The following SYVN1 variants were observed in gnomAD, a reference collection of about 807,000 sequenced individuals.
SYVN1 encodes E3 ubiquitin-protein ligase synoviolin.
A neutral mutation model predicts 62.6 loss-of-function variants in SYVN1; 17 were observed. The ratio of observed to expected loss-of-function variants is 0.27; its 90% confidence interval spans 0.19 to 0.41. The LOEUF (loss-of-function observed/expected upper bound fraction) is 0.41, where lower values mean the gene tolerates loss of function less well. Among genes scored for constraint, SYVN1 ranks in the 10% least tolerant of loss-of-function variants. SYVN1 has a pLI of 1.00. For missense variants in SYVN1, 634 were observed against 818.0 expected (o/e 0.78, Z 2.74); for synonymous variants, 316 against 304.0 (o/e 1.04, Z -0.41).
In SYVN1 at chr11:65,131,591, G is replaced by T; in HGVS notation, c.537C>A (p.Ala179=). ...SVQLVFGFEY[A]ILMTMVLTIF... is the part of the protein sequence containing the mutation. The stretch of plus-strand genomic sequence containing the variant: ...TGGTGAGCACCATCGTCATCAGGAT[G>T]GCATACTGAAGGGAGAGGGGGACGA... The change falls in exon 7 of 16, where the codon GCC becomes GCA. Residue 179 remains alanine (A), a synonymous_variant. Coordinates refer to ENST00000377190, the MANE Select transcript of SYVN1 (RefSeq NM_172230.3). 1 of 1,613,524 alleles carries T rather than the reference G, an allele frequency of 6.2e-7. No homozygotes were observed. Among genetic ancestry groups the T allele is most frequent in the South Asian group, 1.1e-5 (1 of 91,066 alleles).
At chr11:65,129,603 T>C (rs1314529359) in intron 14 of SYVN1, 126 bp downstream of exon 14, 2 of 841,942 alleles carry the variant, frequency 2.4e-6, no homozygotes, top group Non-Finnish European at 3.8e-6. Flanking sequence ...TGGAGACCCT[T>C]GGTGGGCCTG....
chr11:65,129,810 T>C lies in SYVN1; in HGVS notation c.1514A>G (p.Gln505Arg). 6.2e-7 allele frequency: 1 copy of C among 1,614,228 alleles called. No individual in the cohort carries two copies. Among genetic ancestry groups the C allele is most frequent in the Non-Finnish European group, 8.5e-7 (1 of 1,180,040 alleles). Residue 505 changes from glutamine to arginine, a missense_variant, in exon 14 of 16, where the codon CAG becomes CGG. Transcript: ENST00000377190. Reference protein sequence around the residue: ...HERQHLEARLQSLRNIHTLLD... With the variant: ...HERQHLEARLRSLRNIHTLLD... ...CAGTGTGTGGATGTTACGCAGGCTCTGCAGCCGGGCCTCCAGGTGCTGCCG... is the reference window on the plus strand; with the variant it reads ...CAGTGTGTGGATGTTACGCAGGCTCCGCAGCCGGGCCTCCAGGTGCTGCCG...
chr11:65,130,409 G>A (rs1948162494), intron 11 of SYVN1, 30 bp from the exon 12 acceptor site: 1 of 1,512,686 alleles, frequency 6.6e-7, no homozygotes, highest in Non-Finnish European at 8.8e-7. Context: ...GTAAGGAAAG[G>A]GCCAAATGGA....
In SYVN1 at chr11:65,133,156, T is replaced by C; in HGVS notation, c.225+4A>G. ...CCTCACCTTTGGGGCAGCCGACATC[T>C]TACCTCCATCTCTGCTGCCCTCAGT... On this transcript the variant is annotated splice_donor_region_variant and intron_variant, in intron 3 of 15. Coordinates refer to ENST00000377190, the MANE Select transcript of SYVN1 (RefSeq NM_172230.3). 1 of 1,614,146 alleles carries C rather than the reference T, an allele frequency of 6.2e-7. No homozygotes were observed. Among genetic ancestry groups the C allele is most frequent in the East Asian group, 2.2e-5 (1 of 44,888 alleles).
chr11:65,130,751 C>T lies in SYVN1; in HGVS notation c.1014G>A (p.Leu338=). The T allele has an allele frequency of 1.3e-6, 2 of 1,535,268 alleles. No homozygotes were observed. The highest frequency in any genetic ancestry group is 1.7e-6 in the Non-Finnish European group (2 of 1,145,616). Residue 338 remains leucine (L), a synonymous_variant, in exon 11 of 16, where the codon CTG becomes CTA. Coordinates refer to ENST00000377190, the MANE Select transcript of SYVN1 (RefSeq NM_172230.3). ...CCGGGGGTGGTGGTGACTGCGCTGG[C>T]AGCGATGCACGAAGGACATCCATAC... The part of the protein sequence containing the change: ...TCRMDVLRAS[L]PAQSPPPPEP...
At position 65,128,239 on chromosome 11, in the gene SYVN1, G is replaced by T; in HGVS notation, c.*143C>A. ...TGGGAACCCCAGCCTCTTTCCACTT[G>T]GCCTAGGGGATGCCGCCTCTTTCTC... On this transcript the variant is annotated 3_prime_UTR_variant, in exon 16 of 16. Coordinates refer to ENST00000377190, the MANE Select transcript of SYVN1 (RefSeq NM_172230.3). The T allele has an allele frequency of 2.9e-6, 2 of 679,916 alleles. No homozygotes were observed. The highest frequency in any genetic ancestry group is 5.0e-6 in the Non-Finnish European group (2 of 399,600). The allele number at this position is 679,916 out of a possible 1,614,324, so 42.1% of individuals were successfully genotyped here.
At position 65,129,847 on chromosome 11, in the gene SYVN1, C is replaced by G. The variant is rs1261751096; in HGVS notation, c.1477G>C (p.Glu493Gln). 1 of 1,614,182 alleles carries G rather than the reference C, an allele frequency of 6.2e-7. No individual in the cohort carries two copies. Among genetic ancestry groups the G allele is most frequent in the Non-Finnish European group, 8.5e-7 (1 of 1,180,038 alleles). The change falls in exon 14 of 16, where the codon GAG becomes CAG. Residue 493 changes from glutamate to glutamine, a missense_variant. This residue lies in a region of SYVN1 where 351 missense variants were observed against 373.3 expected (regional missense o/e 0.94). Coordinates refer to ENST00000377190, the MANE Select transcript of SYVN1 (RefSeq NM_172230.3). ...TCCAGGTGCTGCCGCTCATGGCCCT[C>G]CAGAGCTCGTAGCTCCTCTGGGGTC... ...GLTPEELRAL[E>Q]GHERQHLEAR...
At chr11:65,130,454 T>C in intron 11 of SYVN1, 75 bp from the exon 12 acceptor site, 1 of 1,462,204 alleles carries the variant, frequency 6.8e-7, no homozygotes, top group Non-Finnish European at 9.1e-7. Flanking sequence ...GGCCTGGCTA[T>C]TGAGAGCTCT....
At position 65,128,432 on chromosome 11, in the gene SYVN1, C is replaced by G; in HGVS notation, c.1804G>C (p.Glu602Gln). The G allele has an allele frequency of 6.2e-7, 1 of 1,614,132 alleles. No homozygotes were observed. Residue 602 changes from glutamate (E) to glutamine (Q), a missense_variant, in exon 16 of 16, where the codon GAG becomes CAG. By Grantham distance (29) the Glu-to-Gln change is conservative. Coordinates refer to ENST00000377190, the MANE Select transcript of SYVN1 (RefSeq NM_172230.3). Reference protein sequence around the residue: ...MPEDGEPDAAELRRRRLQKLE... With the variant: ...MPEDGEPDAAQLRRRRLQKLE... ...TTCTGCAGGCGGCGCCGGCGGAGCTCTGCTGCATCGGGCTCTCCATCCTCA... is the reference window on the plus strand; with the variant it reads ...TTCTGCAGGCGGCGCCGGCGGAGCTGTGCTGCATCGGGCTCTCCATCCTCA...
Position 65,131,477 on chromosome 11 carries a change from C to G in SYVN1, c.651G>C (p.Leu217=). The G allele has an allele frequency of 6.2e-7, 1 of 1,614,130 alleles. No homozygotes were observed. The highest frequency in any genetic ancestry group is 2.2e-5 in the East Asian group (1 of 44,884). The stretch of plus-strand genomic sequence containing the variant: ...GGCCCAGGCCCCTCTCACCTGTAAA[C>G]AGCTCTGTGTAGAGCATGTACACAG... ...NKAVYMLYTE[L]FTGFIKVLLY... Residue 217 remains leucine, a synonymous_variant, in exon 7 of 16, where the codon CTG becomes CTC. Coordinates refer to ENST00000377190, the MANE Select transcript of SYVN1 (RefSeq NM_172230.3).
chr11:65,130,428 CA>C (rs1481668175), intron 11 of SYVN1, 49 bp from the exon 12 acceptor site: 6 of 1,497,964 alleles, frequency 4.0e-6, no homozygotes, highest in African/African-American at 1.4e-5. Context: ...GACACAGACC[CA>C]ACTCCCAGGC....
rs1286175051 is a variant in SYVN1 at position 65,130,051 on chromosome 11, A to G, written c.1359T>C (p.Gly453=). 6.2e-7 allele frequency: 1 copy of G among 1,605,198 alleles called. No individual in the cohort carries two copies. The highest frequency in any genetic ancestry group is 1.1e-5 in the South Asian group (1 of 89,986). The change falls in exon 13 of 16, where the codon GGT becomes GGC. Residue 453 remains glycine, a synonymous_variant. Transcript: ENST00000377190. ...CCATCCAGGGAGGAGGGAAGGGGAA[A>G]CCAGGGGCAGGGCCAGCCTCTGGGG... The part of the protein sequence containing the change: ...GSAPEAGPAP[G]FPFPPPWMGM...
In SYVN1 at chr11:65,130,093, G is replaced by C. The variant is rs1463950954; in HGVS notation, c.1317C>G (p.Gly439=). The part of the protein sequence containing the change: ...SATAASATAS[G]PGSGSAPEAG... ...CCTCTGGGGCAGAGCCAGAGCCTGG[G>C]CCAGATGCTGTGGCAGAAGCAGCAG... The change falls in exon 13 of 16, where the codon GGC becomes GGG. Residue 439 remains glycine, a synonymous_variant. Transcript: ENST00000377190. 1.2e-6 allele frequency: 2 copies of C among 1,611,090 alleles called. No individual in the cohort carries two copies. The highest frequency in any genetic ancestry group is 4.5e-5 in the East Asian group (2 of 44,784).
At position 65,130,358 on chromosome 11, in the gene SYVN1, G is replaced by C; in HGVS notation, c.1127C>G (p.Pro376Arg). 1 of 1,545,240 alleles carries C rather than the reference G, an allele frequency of 6.5e-7. No individual in the cohort carries two copies. Among genetic ancestry groups the C allele is most frequent in the Middle Eastern group, 1.8e-4 (1 of 5,690 alleles). ...PPNFPQGLLPPFPPGMFPLWP... is the reference protein window; with the variant it reads ...PPNFPQGLLPRFPPGMFPLWP... ...CAGTGGGAACATGCCTGGAGGAAAA[G>C]GAGGCAGGAGGCCCTGGGGGACTGC... Residue 376 changes from proline (P) to arginine (R), a missense_variant, in exon 12 of 16, where the codon CCT (proline) becomes CGT (arginine). Physicochemically the swap from Pro to Arg is moderately radical, Grantham distance 103. This residue lies in a region of SYVN1 where 351 missense variants were observed against 373.3 expected (regional missense o/e 0.94). Coordinates refer to ENST00000377190, the MANE Select transcript of SYVN1 (RefSeq NM_172230.3).
intron 14 of SYVN1, 125 bp downstream of exon 14, chr11:65,129,604 G>T: frequency 3.5e-6 from 3 of 846,488 alleles, no homozygotes; most frequent in Non-Finnish European, 5.6e-6. Flanking sequence ...GGAGACCCTT[G>T]GTGGGCCTGT....
chr11:65,132,179 GT>G, intron 6 of SYVN1, 68 bp downstream of exon 6: 1 of 1,246,882 alleles, frequency 8.0e-7, no homozygotes, highest in Non-Finnish European at 1.2e-6. Flanking sequence ...GGAAGGGTCT[GT>G]TGGGTTATTC....
chr11:65,128,303 G>C lies in SYVN1; in HGVS notation c.*79C>G. 1 of 1,182,964 alleles carries C rather than the reference G, an allele frequency of 8.5e-7. No homozygotes were observed. Among genetic ancestry groups the C allele is most frequent in the South Asian group, 1.3e-5 (1 of 77,576 alleles). The allele number at this position is 1,182,964 out of a possible 1,614,324, so 73.3% of individuals were successfully genotyped here. On this transcript the variant is annotated 3_prime_UTR_variant, in exon 16 of 16. Transcript: ENST00000377190. ...CTACTCCCTGGTGCAGACAGAGAGG[G>C]AGCTGGCACTTGGTGGCAGGACATG... is the stretch of plus-strand genomic sequence containing the variant.
chr11:65,130,863 G>A (rs1301681408), intron 10 of SYVN1, 40 bp from the exon 11 acceptor site: 2 of 1,608,090 alleles, frequency 1.2e-6, no homozygotes, highest in Non-Finnish European at 8.5e-7. Context: ...AGGTCCCTAG[G>A]GGCCTGCCTT....
At chr11:65,130,201 A>C (rs1454811105) in intron 12 of SYVN1, 26 bp from the exon 13 acceptor site, 1 of 1,608,266 alleles carries the variant, frequency 6.2e-7, no homozygotes, top group Non-Finnish European at 8.5e-7. Context: ...GAAGTCAGTG[A>C]GTGTTCCATC....
Sources: allele counts gnomAD v4.1 joint callset, GRCh38; gene constraint gnomAD v4.1.1; regional missense constraint gnomAD v4.1.1; transcripts MANE v1.5; gene names NCBI Gene and HGNC (gene_info 2026-07-23, HGNC 2026-07-21).